CCDC148: variants seen among roughly 807,000 people sequenced by gnomAD.
CCDC148 encodes coiled-coil domain containing 148.
Under a neutral mutation model 85.7 loss-of-function variants are expected in CCDC148, and 89 were observed. The ratio of observed to expected loss-of-function variants is 1.04; its 90% CI spans 0.87 to 1.24. The LOEUF (loss-of-function observed/expected upper bound fraction) is 1.24, where lower values mean the gene tolerates loss of function less well. CCDC148 is among the 50% of genes most tolerant of loss of function. CCDC148 has a pLI of 0.00. For missense variants in CCDC148, 692 were observed against 671.7 expected (o/e 1.03, Z -0.33); for synonymous variants, 230 against 213.9 (o/e 1.08, Z -0.66).
intron 2 of CCDC148, among the ~76,000 whole-genome samples, chr2:158,350,454 G>C (rs1683205551): frequency 6.6e-6 from 1 of 152,112 alleles, no homozygotes; most frequent in Admixed American, 6.5e-5. Context: ...GAATACATTT[G>C]TTTGGTATCT....
chr2:158,197,103 A>G (rs1185089023), intron 11 of CCDC148, among the ~76,000 whole-genome samples: 1 of 152,194 alleles, frequency 6.6e-6, no homozygotes, highest in Non-Finnish European at 1.5e-5. Flanking sequence ...GGGAACTGAA[A>G]GTGATCATGG....
chr2:158,411,874 C>CA (rs1337383395), intron 1 of CCDC148, among the ~76,000 whole-genome samples: 1 of 152,090 alleles, frequency 6.6e-6, no homozygotes, highest in Admixed American at 6.5e-5. Flanking sequence ...AGGGTACTAG[C>CA]TGGGTGGGAT....
At chr2:158,423,062 T>G (rs1686882670) in intron 1 of CCDC148, among the ~76,000 whole-genome samples, 1 of 152,132 alleles carries the variant, frequency 6.6e-6, no homozygotes, top group Non-Finnish European at 1.5e-5. Flanking sequence ...TACAAACCAC[T>G]GCTCAACGAA....
chr2:158,352,537 A>G (rs536471325), intron 2 of CCDC148, among the ~76,000 whole-genome samples: 2 of 152,152 alleles, frequency 1.3e-5, no homozygotes, highest in South Asian at 4.1e-4. Flanking sequence ...AAAAGAATAA[A>G]AAGAAATGAG....
intron 7 of CCDC148, among the ~76,000 whole-genome samples, chr2:158,324,226 T>A (rs937188050): frequency 3.3e-5 from 5 of 152,100 alleles, no homozygotes; most frequent in African/African-American, 1.2e-4. Context: ...CCAGGATAAC[T>A]ATTTTTATTG....
chr2:158,357,188 C>T (rs1473252261), intron 2 of CCDC148, among the ~76,000 whole-genome samples: 1 of 150,850 alleles, frequency 6.6e-6, no homozygotes, highest in Non-Finnish European at 1.5e-5. Context: ...ATGTAACTAA[C>T]CTGCACTATG....
chr2:158,282,020 C>T (rs1393194314), intron 9 of CCDC148, among the ~76,000 whole-genome samples: 1 of 151,870 alleles, frequency 6.6e-6, no homozygotes, highest in Admixed American at 6.6e-5. Flanking sequence ...GAACAAAAGA[C>T]AAAAACCACA....
At chr2:158,307,640 C>G (rs573664971) in intron 9 of CCDC148, among the ~76,000 whole-genome samples, 13 of 152,102 alleles carry the variant, frequency 8.5e-5, no homozygotes, top group Non-Finnish European at 1.5e-4. Context: ...TAGCAAAAAC[C>G]TGAAAACGGC....
chr2:158,282,516 C>G (rs1225549977), intron 9 of CCDC148, among the ~76,000 whole-genome samples: 2 of 152,158 alleles, frequency 1.3e-5, no homozygotes, highest in African/African-American at 4.8e-5. Flanking sequence ...CATGAGTGAA[C>G]TCCCATTCAC....
At chr2:158,193,358 A>T (rs1685506978) in intron 11 of CCDC148, among the ~76,000 whole-genome samples, 1 of 152,118 alleles carries the variant, frequency 6.6e-6, no homozygotes, top group African/African-American at 2.4e-5. Flanking sequence ...GACAACTGTC[A>T]CTCATGGACC....
At chr2:158,429,539 T>C (rs1298527499) in intron 1 of CCDC148, among the ~76,000 whole-genome samples, 2 of 152,268 alleles carry the variant, frequency 1.3e-5, no homozygotes, top group Non-Finnish European at 2.9e-5. Flanking sequence ...TTCTAGGAAC[T>C]AGTGGAAGAG....
At chr2:158,226,009 T>C (rs892372448) in intron 10 of CCDC148, among the ~76,000 whole-genome samples, 8 of 152,072 alleles carry the variant, frequency 5.3e-5, no homozygotes, top group African/African-American at 1.9e-4. Flanking sequence ...AATCAATGAA[T>C]CTAGGAACTG....
chr2:158,451,661 T>A, intron 1 of CCDC148, among the ~76,000 whole-genome samples: 1 of 152,016 alleles, frequency 6.6e-6, no homozygotes, highest in South Asian at 2.1e-4. Flanking sequence ...GAACAGATTG[T>A]TGAGGAATAA....
chr2:158,451,671 A>C (rs73001384), intron 1 of CCDC148, among the ~76,000 whole-genome samples: 3,701 of 152,132 alleles, frequency 0.024, 95 homozygotes, highest in African/African-American at 0.062. Context: ...TTGAGGAATA[A>C]AGGGCTTTGA....
chr2:158,331,943 G>A (rs563012754), intron 7 of CCDC148, among the ~76,000 whole-genome samples: 124 of 152,118 alleles, frequency 8.2e-4, no homozygotes, highest in African/African-American at 2.9e-3. Context: ...ACACTGATGG[G>A]TCTTGACTCT....
At chr2:158,349,491 A>G (rs1027245154) in intron 2 of CCDC148, among the ~76,000 whole-genome samples, 18 of 152,032 alleles carry the variant, frequency 1.2e-4, no homozygotes, top group South Asian at 4.1e-4. Flanking sequence ...TATTATAATA[A>G]TAATTCTAGT....
At chr2:158,423,380 G>A (rs1686902428) in intron 1 of CCDC148, among the ~76,000 whole-genome samples, 1 of 152,042 alleles carries the variant, frequency 6.6e-6, no homozygotes, top group African/African-American at 2.4e-5. Context: ...TACTAAAACA[G>A]AGATATAGAC....
chr2:158,393,268 T>G (rs1006227494), intron 1 of CCDC148: 1 of 152,120 alleles, frequency 6.6e-6, no homozygotes, highest in East Asian at 1.9e-4. Context: ...ATAGGTCGAA[T>G]GCTGCCTGGA....
intron 1 of CCDC148, among the ~76,000 whole-genome samples, chr2:158,398,924 C>T (rs577926902): frequency 6.6e-6 from 1 of 151,804 alleles, no homozygotes; most frequent in Non-Finnish European, 1.5e-5. Flanking sequence ...ATAGACACAA[C>T]AAAAAATGAT....
Sources: gnomAD v4.1 joint callset for allele counts (sites outside exome capture counted in the v4.1 genomes callset) on GRCh38, gnomAD v4.1.1 for gene constraint, MANE v1.5 for transcripts, NCBI Gene and HGNC (gene_info 2026-07-23, HGNC 2026-07-21) for gene names.